The following STK10 variants were observed in gnomAD, a reference collection of about 807,000 sequenced individuals.
STK10 encodes serine/threonine-protein kinase 10.
In STK10, 78 loss-of-function variants were observed where a neutral mutation model predicts 113.8. The observed-to-expected ratio is 0.69, with a 90% CI of 0.57 to 0.83. The LOEUF is 0.83. Ranked by LOEUF, STK10 falls within the 40% of genes least tolerant of loss-of-function variation. The pLI is 0.00. For missense variants in STK10, 1,109 were observed against 1,280.1 expected (o/e 0.87, Z 2.04); for synonymous variants, 465 against 494.7 (o/e 0.94, Z 0.80).
At chr5:172,097,227 A>G (rs191633305) in intron 7 of STK10, among the ~76,000 whole-genome samples, 252 of 152,176 alleles carry the variant, frequency 1.7e-3, no homozygotes, top group African/African-American at 5.8e-3. Context: ...TTTAGTAGAG[A>G]CGGGGTTTCA....
chr5:172,182,025 G>A (rs1770865828), intron 1 of STK10, among the ~76,000 whole-genome samples: 1 of 151,930 alleles, frequency 6.6e-6, no homozygotes, highest in Non-Finnish European at 1.5e-5. Context: ...GTTTAAAAAG[G>A]CCGGCTCGGT....
intron 8 of STK10, among the ~76,000 whole-genome samples, chr5:172,096,017 G>C (rs892126411): frequency 6.6e-6 from 1 of 152,206 alleles, no homozygotes. Context: ...ACTGAGGGCA[G>C]CTAGAGGGGG....
At chr5:172,127,510 C>G in intron 2 of STK10, 89 bp from the exon 3 acceptor site, 1 of 1,423,772 alleles carries the variant, frequency 7.0e-7, no homozygotes. Flanking sequence ...CAGGGTCCAC[C>G]CATGCCCAAT....
intron 7 of STK10, among the ~76,000 whole-genome samples, chr5:172,101,470 CAAAAAAAAAAAA>C (rs796588690): frequency 2.8e-5 from 2 of 72,604 alleles, no homozygotes; most frequent in African/African-American, 7.3e-5. Flanking sequence ...ACTCCGTCTC[CAAAAAAAAAAAA>C]AAAAAAGTCA....
At chr5:172,157,030 C>T (rs1159533222) in intron 1 of STK10, among the ~76,000 whole-genome samples, 1 of 152,194 alleles carries the variant, frequency 6.6e-6, no homozygotes, top group African/African-American at 2.4e-5. Context: ...TCTACAAATA[C>T]CAACATGGAA....
intron 12 of STK10, among the ~76,000 whole-genome samples, chr5:172,078,619 T>TAAAAAAAAAAAAA (rs58823824): frequency 4.1e-5 from 3 of 72,876 alleles, no homozygotes; most frequent in African/African-American, 7.3e-5. Context: ...GCCTCATCAT[T>TAAAAAAAAAAAAA]AAAAAAAAAA....
In STK10 at chr5:172,055,670, T is replaced by C. The variant is rs1767734456; in HGVS notation, c.2444A>G (p.Lys815Arg). ...RLPKIQRSEG[K>R]TRMAMYKKSL... Reference sequence around the variant, plus strand: ...CTTCTTGTACATGGCCATGCGCGTCTTGCCCTCACTCCTCTGGATCTTGGG... The same window carrying C: ...CTTCTTGTACATGGCCATGCGCGTCCTGCCCTCACTCCTCTGGATCTTGGG... Residue 815 changes from lysine (K) to arginine (R), a missense_variant, in exon 16 of 19, where the codon AAG (lysine) becomes AGG (arginine). Physicochemically the swap from Lys to Arg is conservative, Grantham distance 26. This residue lies in a region of STK10 where 885 missense variants were observed against 991.1 expected (regional missense o/e 0.89). Transcript: ENST00000176763. 6.3e-7 allele frequency: 1 copy of C among 1,586,336 alleles called. No individual in the cohort carries two copies. The highest frequency in any genetic ancestry group is 1.4e-5 in the African/African-American group (1 of 74,028).
intron 1 of STK10, among the ~76,000 whole-genome samples, chr5:172,160,945 G>A (rs1323514598): frequency 6.6e-6 from 1 of 152,180 alleles, no homozygotes; most frequent in Non-Finnish European, 1.5e-5. Flanking sequence ...AAGTCTCTAA[G>A]ACCAGATGCC....
intron 9 of STK10, among the ~76,000 whole-genome samples, chr5:172,091,439 C>T (rs1279228323): frequency 6.6e-6 from 1 of 152,064 alleles, no homozygotes; most frequent in African/African-American, 2.4e-5. Context: ...ACGTGGTACC[C>T]TCTGGAAGTT....
At chr5:172,150,790 T>C (rs936271141) in intron 2 of STK10, among the ~76,000 whole-genome samples, 1 of 152,198 alleles carries the variant, frequency 6.6e-6, no homozygotes, top group African/African-American at 2.4e-5. Context: ...GGACCAGTAC[T>C]TCCTCTTTAC....
At chr5:172,103,595 G>A (rs7725706) in intron 7 of STK10, among the ~76,000 whole-genome samples, 138,062 of 152,034 alleles carry the variant, frequency 0.91, 62,920 homozygotes, top group East Asian at 0.99. Flanking sequence ...CACCCACTTC[G>A]GGGGGCCCCA....
At chr5:172,147,823 AGAGACTCTGTTTCCTG>A (rs1334533419) in intron 2 of STK10, among the ~76,000 whole-genome samples, 1 of 152,184 alleles carries the variant, frequency 6.6e-6, no homozygotes, top group Non-Finnish European at 1.5e-5. Flanking sequence ...GGTCAAAGAG[AGAGACTCTGTTTCCTG>A]GGGCCTGCTC....
intron 1 of STK10, among the ~76,000 whole-genome samples, chr5:172,157,974 G>A (rs1314670933): frequency 6.6e-6 from 1 of 152,142 alleles, no homozygotes; most frequent in Non-Finnish European, 1.5e-5. Flanking sequence ...GAATGAAAAG[G>A]CAGACTGCGT....
chr5:172,064,790 A>C lies in STK10; in HGVS notation c.2012T>G (p.Leu671Arg). The C allele has an allele frequency of 6.2e-7, 1 of 1,613,162 alleles. No homozygotes were observed. The highest frequency in any genetic ancestry group is 1.1e-5 in the South Asian group (1 of 91,042). The change falls in exon 13 of 19, where the codon CTC becomes CGC. Residue 671 changes from leucine to arginine, a missense_variant. Leu to Arg is a moderately radical substitution (Grantham distance 102). Coordinates refer to ENST00000176763, the MANE Select transcript of STK10 (RefSeq NM_005990.4). ...KKEVKNEVEK[L>R]PRQQRKESMK... is the part of the protein sequence containing the mutation. ...GCTTTCCTTCCGCTGCTGTCGGGGG[A>C]GCTTCTCCACCTCGTTCTTCACCTG...
intron 2 of STK10, among the ~76,000 whole-genome samples, chr5:172,151,078 G>C (rs1347188815): frequency 6.6e-6 from 1 of 152,248 alleles, no homozygotes; most frequent in African/African-American, 2.4e-5. Flanking sequence ...AGAAAGTGAA[G>C]GAGAGGCACG....
intron 1 of STK10, among the ~76,000 whole-genome samples, chr5:172,170,424 T>C (rs531119429): frequency 2.5e-4 from 38 of 152,248 alleles, no homozygotes; most frequent in Admixed American, 7.2e-4. Flanking sequence ...ATCATCACCA[T>C]GCCAAGTTTC....
chr5:172,164,211 TAAAAAAAAAAAAAAA>T lies in STK10; in HGVS notation c.157-7438_157-7424del, dbSNP rs57573746. ...CGGGCAACAAGAGCGAAACTCCATCTAAAAAAAAAAAAAAAAAAAAAAAAATTGGCATGTGATCAA... is the reference window on the plus strand; with the variant it reads ...CGGGCAACAAGAGCGAAACTCCATCTAAAAAAAAAATTGGCATGTGATCAA... On this transcript the variant is annotated intron_variant, in intron 1 of 18. Transcript: ENST00000176763. Among the ~76,000 whole-genome samples the T allele has an allele frequency of 5.7e-3, 481 of 84,640 alleles. 5 individuals carry two copies. The highest frequency in any genetic ancestry group is 4.0e-3 in the Non-Finnish European group (177 of 43,954). The allele number at this position is 84,640 out of a possible 152,430, so 55.5% of individuals were successfully genotyped here. A position where few individuals can be genotyped will look rare whatever the true frequency, so the allele number is the denominator to read the frequency against.
At chr5:172,159,229 T>C (rs930514385) in intron 1 of STK10, among the ~76,000 whole-genome samples, 32 of 152,160 alleles carry the variant, frequency 2.1e-4, no homozygotes, top group Admixed American at 9.2e-4. Flanking sequence ...CCCTGCTGCA[T>C]GGGGTTCCAG....
At chr5:172,051,346 G>C (rs1455880218) in intron 18 of STK10, among the ~76,000 whole-genome samples, 2 of 152,064 alleles carry the variant, frequency 1.3e-5, no homozygotes, top group African/African-American at 4.8e-5. Context: ...AGAGGTTGCA[G>C]AGAGCCACGT....
Sources: gnomAD v4.1 joint callset for allele counts (sites outside exome capture counted in the v4.1 genomes callset) on GRCh38, gnomAD v4.1.1 for gene constraint, gnomAD v4.1.1 regional missense constraint, MANE v1.5 for transcripts, NCBI Gene and HGNC (gene_info 2026-07-23, HGNC 2026-07-21) for gene names.